Variants in ITGAE observed in about 807,000 individuals in gnomAD.
ITGAE encodes the protein integrin subunit alpha E.
In ITGAE, 99 loss-of-function variants were observed where a neutral mutation model predicts 136.5. The ratio of observed to expected loss-of-function variants is 0.73; its 90% CI spans 0.62 to 0.86. ITGAE has a LOEUF of 0.86. Among genes scored for constraint, ITGAE ranks in the 40% least tolerant of loss-of-function variants. ITGAE has a pLI of 0.00. For missense variants in ITGAE, 1,447 were observed against 1,515.3 expected (o/e 0.95, Z 0.75); for synonymous variants, 613 against 591.8 (o/e 1.04, Z -0.52).
In ITGAE at chr17:3,716,735, C is replaced by T. The variant is rs747280807; in HGVS notation, c.3397G>A (p.Val1133Ile). 30 of 1,612,104 alleles carry T rather than the reference C, an allele frequency of 1.9e-5. No individual in the cohort carries two copies. Among genetic ancestry groups the T allele is most frequent in the Non-Finnish European group, 2.5e-5 (29 of 1,178,286 alleles). ...ACGATCAACACCAGAAGTCCACCAA[C>T]GCTGCCTTTAATGATGATAGGCAAA... ...HSLPIIIKGS[V>I]GGLLVLIVIL... is the part of the protein sequence containing the mutation. The change falls in exon 30 of 31, where the codon GTT becomes ATT. Residue 1133 changes from valine to isoleucine, a missense_variant. Transcript: ENST00000263087.
intron 21 of ITGAE, among the ~76,000 whole-genome samples, chr17:3,732,879 C>T (rs2051376784): frequency 6.6e-6 from 1 of 152,212 alleles, no homozygotes; most frequent in Non-Finnish European, 1.5e-5. Flanking sequence ...GGCTCCCCAC[C>T]TGGACCCCCG....
At position 3,729,355 on chromosome 17, in the gene ITGAE, G is replaced by C. The variant is rs138406613; in HGVS notation, c.2912+123C>G. On this transcript the variant is annotated intron_variant, in intron 24 of 30. Transcript: ENST00000263087. ...ATATCAGAGCCTGGGTTCTAAGCAG[G>C]CTCCTCTCAGAAGGACAGTGTCCAC... 502 of 742,294 alleles carry C rather than the reference G, an allele frequency of 6.8e-4. 1 individual carries two copies. In the African/African-American group the frequency reaches 7.5e-3, roughly 11 times the overall value. 46.0% of individuals were successfully genotyped at this position (742,294 alleles called of 1,614,324 possible).
intron 20 of ITGAE, among the ~76,000 whole-genome samples, chr17:3,737,972 A>G (rs144069746): frequency 3.3e-5 from 5 of 152,286 alleles, no homozygotes; most frequent in African/African-American, 1.2e-4. Flanking sequence ...TGCTGGAAAC[A>G]GCTGTGCCTG....
intron 3 of ITGAE, among the ~76,000 whole-genome samples, chr17:3,762,629 G>C (rs1212549175): frequency 8.7e-6 from 1 of 114,912 alleles, no homozygotes; most frequent in East Asian, 2.6e-4. Flanking sequence ...ACAGAGTCTT[G>C]CTCTGTCGCC....
intron 1 of ITGAE, among the ~76,000 whole-genome samples, chr17:3,791,015 C>T (rs969645726): frequency 1.3e-5 from 2 of 151,688 alleles, no homozygotes; most frequent in African/African-American, 2.4e-5. Context: ...ATTAGCCAGG[C>T]GTGGTGGTGG....
chr17:3,793,973 CTTTTTTTTT>C (rs5818917), intron 1 of ITGAE, among the ~76,000 whole-genome samples: 4 of 81,198 alleles, frequency 4.9e-5, no homozygotes. Context: ...CCTCTTCATC[CTTTTTTTTT>C]TTTTTTTTTT....
chr17:3,715,616 G>A (rs2050927793), intron 30 of ITGAE, among the ~76,000 whole-genome samples: 1 of 152,152 alleles, frequency 6.6e-6, no homozygotes, highest in South Asian at 2.1e-4. Context: ...ACTTCGGGAG[G>A]CCAAGATGAG....
intron 26 of ITGAE, chr17:3,725,767 A>G: frequency 6.3e-7 from 1 of 1,598,988 alleles, no homozygotes; most frequent in Non-Finnish European, 8.5e-7. Context: ...GGAGGGATTG[A>G]CTTAGAGCAA....
intron 30 of ITGAE, among the ~76,000 whole-genome samples, chr17:3,715,154 T>TCAAGCAGG (rs2143004756): frequency 6.6e-6 from 1 of 152,232 alleles, no homozygotes; most frequent in Non-Finnish European, 1.5e-5. Flanking sequence ...TGACTCCACC[T>TCAAGCAGG]TCCTCTGAAC....
intron 13 of ITGAE, 98 bp downstream of exon 13, chr17:3,753,685 C>T: frequency 2.1e-6 from 3 of 1,463,138 alleles, no homozygotes; most frequent in African/African-American, 1.4e-5. Context: ...CCAGCCCGGG[C>T]CCTGGCCCAC....
intron 2 of ITGAE, among the ~76,000 whole-genome samples, chr17:3,767,677 G>A (rs762136590): frequency 6.6e-6 from 1 of 152,158 alleles, no homozygotes; most frequent in Non-Finnish European, 1.5e-5. Flanking sequence ...AGGCTGGAGT[G>A]CAGTAGTGTG....
intron 26 of ITGAE, chr17:3,726,687 A>G: frequency 5.4e-6 from 1 of 185,052 alleles, no homozygotes; most frequent in African/African-American, 2.4e-5. Flanking sequence ...AATAAACTAC[A>G]TGTGAAAACA....
At chr17:3,796,781 A>G (rs11078464) in intron 1 of ITGAE, among the ~76,000 whole-genome samples, 1 of 151,824 alleles carries the variant, frequency 6.6e-6, no homozygotes, top group Admixed American at 6.6e-5. Flanking sequence ...CCCCCAGCAC[A>G]CCGGGCAATT....
In ITGAE at chr17:3,794,796, C is replaced by T. The variant is rs546643201; in HGVS notation, c.34+6315G>A. 3.9e-5 allele frequency among the ~76,000 whole-genome samples: 6 copies of T among 152,136 alleles called. No individual in the cohort carries two copies. The South Asian group carries it at 6.2e-4, about 16-fold the overall frequency. On this transcript the variant is annotated intron_variant, in intron 1 of 30. Coordinates refer to ENST00000263087, the MANE Select transcript of ITGAE (RefSeq NM_002208.5). The stretch of plus-strand genomic sequence containing the variant: ...CTGCCTAGAGGAGAATTAAAAAGTG[C>T]GAGCTGCCAACATGTTACGAGGGGT...
At position 3,798,530 on chromosome 17, in the gene ITGAE, C is replaced by T. The variant is rs1003983729; in HGVS notation, c.34+2581G>A. On this transcript the variant is annotated intron_variant, in intron 1 of 30. Coordinates refer to ENST00000263087, the MANE Select transcript of ITGAE (RefSeq NM_002208.5). This position sits in a 1 kb window ranked among gnomAD's most constrained non-coding sequence, Gnocchi z 4.3. ...AGCCTGTACTTGCCAAGGACCTCCC[C>T]GTCCTTCAGAGCCCACCTCAGATGC... 1.3e-5 allele frequency among the ~76,000 whole-genome samples: 2 copies of T among 152,158 alleles called. No homozygotes were observed. Among genetic ancestry groups the T allele is most frequent in the South Asian group, 2.1e-4 (1 of 4,828 alleles).
chr17:3,722,288 C>T (rs2436086), intron 28 of ITGAE: 60,104 of 151,604 alleles, frequency 0.4, 13,844 homozygotes, highest in South Asian at 0.62. Context: ...CGAGACCAGC[C>T]TGGCCAACAT....
chr17:3,726,411 C>A, intron 26 of ITGAE: 1 of 941,442 alleles, frequency 1.1e-6, no homozygotes, highest in Non-Finnish European at 1.6e-6. Context: ...TCCATCCCCA[C>A]AGGAGGGTGG....
At chr17:3,734,072 T>C (rs1223249002) in intron 21 of ITGAE, among the ~76,000 whole-genome samples, 2 of 152,168 alleles carry the variant, frequency 1.3e-5, no homozygotes, top group Non-Finnish European at 2.9e-5. Flanking sequence ...AAAGTTTTCT[T>C]TCTTGTTTTT....
In ITGAE at chr17:3,748,028, C is replaced by T; in HGVS notation, c.2049G>A (p.Lys683=). The change falls in exon 17 of 31, where the codon AAG becomes AAA. Residue 683 remains lysine, a synonymous_variant. Coordinates refer to ENST00000263087, the MANE Select transcript of ITGAE (RefSeq NM_002208.5). ...VFRSRPVVRL[K]VSMAFTPSAL... ...CGCTGGGGGTGAAGGCCATGGAGAC[C>T]TTCAGGCGAACCACAGGCCGGGAGC... The T allele has an allele frequency of 6.2e-7, 1 of 1,612,780 alleles. No homozygotes were observed. Among genetic ancestry groups the T allele is most frequent in the African/African-American group, 1.3e-5 (1 of 74,982 alleles).
Sources: gnomAD v4.1 joint callset for allele counts (sites outside exome capture counted in the v4.1 genomes callset) on GRCh38, gnomAD v4.1.1 for gene constraint, Gnocchi (gnomAD v3.1) non-coding constraint, MANE v1.5 for transcripts, NCBI Gene and HGNC (gene_info 2026-07-23, HGNC 2026-07-21) for gene names.